HIBCH: variants seen among roughly 807,000 people sequenced by gnomAD.
The protein encoded by HIBCH is 3-hydroxyisobutyryl-CoA hydrolase, mitochondrial.
In HIBCH, 50 loss-of-function variants were observed where a neutral mutation model predicts 58.2. The ratio of observed to expected loss-of-function variants is 0.86; its 90% CI spans 0.68 to 1.09. The LOEUF (loss-of-function observed/expected upper bound fraction) is 1.09, where lower values mean the gene tolerates loss of function less well. Among genes scored for constraint, HIBCH ranks in the 50% least tolerant of loss-of-function variants. HIBCH has a pLI of 0.00. For synonymous variants in HIBCH, 151 were observed against 146.9 expected (o/e 1.03, Z -0.20); for missense variants, 450 against 449.7 (o/e 1.00, Z -0.01).
intron 11 of HIBCH, among the ~76,000 whole-genome samples, chr2:190,221,567 A>C (rs1685720609): frequency 6.6e-6 from 1 of 152,222 alleles, no homozygotes; most frequent in Non-Finnish European, 1.5e-5. Flanking sequence ...TTCCGGGAAG[A>C]GGGTGGGTCC....
intron 6 of HIBCH, among the ~76,000 whole-genome samples, chr2:190,263,987 C>T (rs1687163409): frequency 6.6e-6 from 1 of 152,130 alleles, no homozygotes; most frequent in South Asian, 2.1e-4. Flanking sequence ...CTATTACGAC[C>T]CTACTTGAAG....
chr2:190,244,680 C>T (rs560033110), intron 11 of HIBCH, among the ~76,000 whole-genome samples: 2 of 152,270 alleles, frequency 1.3e-5, no homozygotes, highest in East Asian at 3.9e-4. Context: ...TGGCTTTGCC[C>T]TCAACGACCA....
At chr2:190,288,667 T>C (rs145656569) in intron 5 of HIBCH, among the ~76,000 whole-genome samples, 3 of 152,092 alleles carry the variant, frequency 2.0e-5, no homozygotes, top group East Asian at 1.9e-4. Context: ...TTTATGTAAA[T>C]TGCTAAACAC....
intron 1 of HIBCH, among the ~76,000 whole-genome samples, chr2:190,196,476 G>C (rs776089873): frequency 6.8e-6 from 1 of 147,976 alleles, no homozygotes; most frequent in Non-Finnish European, 1.5e-5. Flanking sequence ...TACTTAAATA[G>C]CTACTTTAAA....
chr2:190,266,030 T>A (rs1475698362), intron 6 of HIBCH, among the ~76,000 whole-genome samples: 1 of 152,194 alleles, frequency 6.6e-6, no homozygotes, highest in East Asian at 1.9e-4. Context: ...TGTGATGTCA[T>A]ATAAGGTTAC....
At chr2:190,226,362 G>T (rs951721331) in intron 11 of HIBCH, among the ~76,000 whole-genome samples, 1 of 152,130 alleles carries the variant, frequency 6.6e-6, no homozygotes, top group East Asian at 1.9e-4. Context: ...TTGGGAGGTC[G>T]AGGCGGGCAG....
At chr2:190,266,185 G>A (rs1373145780) in intron 6 of HIBCH, among the ~76,000 whole-genome samples, 1 of 152,114 alleles carries the variant, frequency 6.6e-6, no homozygotes, top group African/African-American at 2.4e-5. Flanking sequence ...ATTTTGGCAA[G>A]TGTTTCATAC....
intron 6 of HIBCH, among the ~76,000 whole-genome samples, chr2:190,278,738 CAA>C (rs34358967): frequency 6.3e-4 from 50 of 79,600 alleles, no homozygotes; most frequent in Middle Eastern, 7.4e-3. Flanking sequence ...GACTCCATCT[CAA>C]AAAAAAAAAA....
At chr2:190,302,773 AT>A (rs1688300875) in intron 2 of HIBCH, among the ~76,000 whole-genome samples, 1 of 152,026 alleles carries the variant, frequency 6.6e-6, no homozygotes, top group Admixed American at 6.6e-5. Context: ...GGGGAACAGG[AT>A]TTTTTCCTTC....
intron 2 of HIBCH, among the ~76,000 whole-genome samples, chr2:190,298,707 T>C (rs1283695624): frequency 6.6e-6 from 1 of 152,206 alleles, no homozygotes; most frequent in East Asian, 1.9e-4. Context: ...ATGTTCACTC[T>C]GATGATAGTT....
rs1314558135 is a variant in HIBCH at position 190,206,103 on chromosome 2, A to T, written c.1046-871T>A. ...AAATGTGCAAACTATAGTGAACTAG[A>T]AAAACCTAATTTAGCATTTAAAGGC... On this transcript the variant is annotated intron_variant, in intron 13 of 13. Coordinates refer to ENST00000359678, the MANE Select transcript of HIBCH (RefSeq NM_014362.4). The surrounding 1 kb of genome is among the most constrained non-coding windows in gnomAD (Gnocchi z 5.1). 6.6e-6 allele frequency among the ~76,000 whole-genome samples: 1 copy of T among 152,240 alleles called. No homozygotes were observed. The highest frequency in any genetic ancestry group is 1.5e-5 in the Non-Finnish European group (1 of 68,038).
At position 190,211,350 on chromosome 2, in the gene HIBCH, C is replaced by T. The variant is rs993539045; in HGVS notation, c.1011+1606G>A. 2.6e-5 allele frequency among the ~76,000 whole-genome samples: 4 copies of T among 152,166 alleles called. No homozygotes were observed. The highest frequency in any genetic ancestry group is 5.9e-5 in the Non-Finnish European group (4 of 68,018). ...CCTACATGTGTCTCAAATCCATTTA[C>T]TTCTCTCAATTGCCACCATGCTTGT... On this transcript the variant is annotated intron_variant, in intron 12 of 13. Transcript: ENST00000359678. The surrounding 1 kb of genome is among the most constrained non-coding windows in gnomAD (Gnocchi z 5.0).
chr2:190,278,667 G>A (rs1416984456), intron 6 of HIBCH, among the ~76,000 whole-genome samples: 1 of 148,876 alleles, frequency 6.7e-6, no homozygotes, highest in Non-Finnish European at 1.5e-5. Context: ...TAACACCAGG[G>A]AGCTTTAAAA....
At chr2:190,237,205 A>G (rs1021884683) in intron 11 of HIBCH, among the ~76,000 whole-genome samples, 1 of 152,230 alleles carries the variant, frequency 6.6e-6, no homozygotes, top group Non-Finnish European at 1.5e-5. Context: ...CAAGATATAG[A>G]ACATTTCTAA....
At chr2:190,292,212 C>T (rs1456193213) in intron 4 of HIBCH, among the ~76,000 whole-genome samples, 2 of 152,142 alleles carry the variant, frequency 1.3e-5, no homozygotes, top group East Asian at 1.9e-4. Flanking sequence ...GAACTCCCAA[C>T]CTCAGGTGAT....
At chr2:190,262,281 C>T (rs555053867) in intron 6 of HIBCH, among the ~76,000 whole-genome samples, 4 of 152,000 alleles carry the variant, frequency 2.6e-5, no homozygotes, top group African/African-American at 9.6e-5. Flanking sequence ...AATAAACACA[C>T]AACTTAAATT....
At chr2:190,282,740 T>C (rs1356463258) in intron 6 of HIBCH, among the ~76,000 whole-genome samples, 1 of 152,058 alleles carries the variant, frequency 6.6e-6, no homozygotes, top group Non-Finnish European at 1.5e-5. Context: ...ACTTCCAGCC[T>C]GTTGTTTACT....
intron 2 of HIBCH, among the ~76,000 whole-genome samples, chr2:190,300,509 T>A (rs2582749): frequency 6.6e-6 from 1 of 151,674 alleles, no homozygotes; most frequent in Non-Finnish European, 1.5e-5. Context: ...CATTTTTTAA[T>A]GGGGTTGTTT....
intron 1 of HIBCH, 34 bp downstream of exon 1, chr2:190,319,682 G>A: frequency 1.9e-6 from 3 of 1,565,204 alleles, no homozygotes; most frequent in South Asian, 1.1e-5. Flanking sequence ...TGCCGCTGAA[G>A]AGCCTGCCCT....
Sources: allele counts gnomAD v4.1 joint callset (sites outside exome capture counted in the v4.1 genomes callset), GRCh38; gene constraint gnomAD v4.1.1; non-coding constraint Gnocchi (gnomAD v3.1); transcripts MANE v1.5; gene names NCBI Gene and HGNC (gene_info 2026-07-23, HGNC 2026-07-21).